Variants in NKAIN3 observed in about 807,000 individuals in gnomAD.
The protein encoded by NKAIN3 is sodium/potassium transporting ATPase interacting 3.
NKAIN3 carries 25 observed loss-of-function variants against 30.2 expected under a neutral mutation model. The observed-to-expected ratio is 0.83, with a 90% CI of 0.60 to 1.16. The LOEUF is 1.16. NKAIN3 is among the 50% of genes most tolerant of loss of function. NKAIN3 has a pLI of 0.00. For missense variants in NKAIN3, 225 were observed against 254.1 expected (o/e 0.89, Z 0.78); for synonymous variants, 91 against 89.6 (o/e 1.02, Z -0.09).
intron 1 of NKAIN3, among the ~76,000 whole-genome samples, chr8:62,306,776 A>G (rs903028308): frequency 1.3e-5 from 2 of 149,878 alleles, no homozygotes; most frequent in Non-Finnish European, 1.5e-5. Context: ...CTGAGCAGAT[A>G]TGTACCTCAA....
intron 3 of NKAIN3, among the ~76,000 whole-genome samples, chr8:62,607,156 C>T (rs1811154503): frequency 6.6e-6 from 1 of 152,130 alleles, no homozygotes. Context: ...TTGAAAACCA[C>T]AGGCAACAAT....
chr8:62,275,668 A>G (rs1812926941), intron 1 of NKAIN3, among the ~76,000 whole-genome samples: 1 of 152,228 alleles, frequency 6.6e-6, no homozygotes, highest in South Asian at 2.1e-4. Flanking sequence ...TATGAAATTT[A>G]CATTTAAAAG....
At chr8:62,745,005 T>C (rs1276843095) in intron 3 of NKAIN3, among the ~76,000 whole-genome samples, 1 of 152,206 alleles carries the variant, frequency 6.6e-6, no homozygotes, top group Non-Finnish European at 1.5e-5. Context: ...CCCTGCCTAC[T>C]TATATGCACT....
chr8:62,535,882 A>G (rs964119167), intron 1 of NKAIN3, among the ~76,000 whole-genome samples: 5 of 152,140 alleles, frequency 3.3e-5, no homozygotes, highest in African/African-American at 1.2e-4. Flanking sequence ...TTAGAGTCCT[A>G]CTTTGGGCAG....
In NKAIN3 at chr8:62,421,599, T is replaced by C. The variant is rs564821934; in HGVS notation, c.55-157940T>C. ...CTGCGGGAGGAGGATTTGGCTGCAATTGGAGTCTCTCTCTCTCTCTTTCTC... is the reference window on the plus strand; with the variant it reads ...CTGCGGGAGGAGGATTTGGCTGCAACTGGAGTCTCTCTCTCTCTCTTTCTC... On this transcript the variant is annotated intron_variant, in intron 1 of 6. Transcript: ENST00000623646. 3.3e-5 allele frequency among the ~76,000 whole-genome samples: 5 copies of C among 152,010 alleles called. No individual in the cohort carries two copies. The South Asian group carries it at 8.3e-4, about 25-fold the overall frequency.
intron 5 of NKAIN3, among the ~76,000 whole-genome samples, chr8:62,951,984 G>A (rs1823295261): frequency 1.3e-5 from 2 of 151,616 alleles, no homozygotes; most frequent in South Asian, 2.1e-4. Context: ...ATTTTTAATA[G>A]GGACAGGGTT....
intron 3 of NKAIN3, among the ~76,000 whole-genome samples, chr8:62,600,060 A>G (rs1472925882): frequency 6.6e-6 from 1 of 152,074 alleles, no homozygotes; most frequent in African/African-American, 2.4e-5. Context: ...AATTAGTCCA[A>G]TCTGTCTTAA....
intron 3 of NKAIN3, among the ~76,000 whole-genome samples, chr8:62,625,174 A>T (rs571571038): frequency 6.8e-4 from 104 of 152,252 alleles, no homozygotes; most frequent in Admixed American, 4.6e-4. Flanking sequence ...TAAAAGATAG[A>T]CATTATATAC....
chr8:62,531,439 C>A (rs2129841115), intron 1 of NKAIN3, among the ~76,000 whole-genome samples: 1 of 152,292 alleles, frequency 6.6e-6, no homozygotes, highest in Non-Finnish European at 1.5e-5. Context: ...TTATTCTTAG[C>A]TTAAAACTTC....
intron 5 of NKAIN3, among the ~76,000 whole-genome samples, chr8:62,946,959 A>G (rs766668844): frequency 9.8e-5 from 15 of 152,326 alleles, no homozygotes; most frequent in Non-Finnish European, 2.1e-4. Flanking sequence ...TTTGCTGAAT[A>G]TAGTTAAACC....
At chr8:62,471,476 AAG>A (rs1470905531) in intron 1 of NKAIN3, among the ~76,000 whole-genome samples, 1 of 152,220 alleles carries the variant, frequency 6.6e-6, no homozygotes, top group African/African-American at 2.4e-5. Flanking sequence ...TATTTAAAAA[AAG>A]AAAAATCTTG....
intron 1 of NKAIN3, among the ~76,000 whole-genome samples, chr8:62,453,267 T>A (rs901659978): frequency 6.6e-6 from 1 of 152,180 alleles, no homozygotes; most frequent in African/African-American, 2.4e-5. Flanking sequence ...AGAATCAACC[T>A]GTTTCTGAGT....
chr8:62,715,184 C>T (rs139533140), intron 3 of NKAIN3, among the ~76,000 whole-genome samples: 3 of 152,270 alleles, frequency 2.0e-5, no homozygotes, highest in African/African-American at 7.2e-5. Context: ...AGTCCACCCC[C>T]ATGATCCAGT....
chr8:62,938,634 G>A (rs536170520), intron 5 of NKAIN3, among the ~76,000 whole-genome samples: 92 of 152,256 alleles, frequency 6.0e-4, no homozygotes, highest in African/African-American at 2.1e-3. Flanking sequence ...TGGATGGCTA[G>A]ACCCAAAGAG....
Position 62,589,719 on chromosome 8 carries a change from A to C in NKAIN3, c.198A>C (p.Thr66=). ...QYRPRYIMVY[T]VWTALWVTWN... ...CCTCCCCCATTTCTATCTAGTATAC[A>C]GTGTGGACTGCCCTCTGGGTCACCT... is the stretch of plus-strand genomic sequence containing the variant. Residue 66 remains threonine, a synonymous_variant, in exon 3 of 7, where the codon ACA becomes ACC. Coordinates refer to ENST00000623646, the MANE Select transcript of NKAIN3 (RefSeq NM_001304533.3). 3.2e-6 allele frequency: 5 copies of C among 1,565,076 alleles called. No homozygotes were observed. The highest frequency in any genetic ancestry group is 4.4e-6 in the Non-Finnish European group (5 of 1,138,930).
chr8:62,829,147 C>G (rs1819117254), intron 4 of NKAIN3, among the ~76,000 whole-genome samples: 1 of 152,114 alleles, frequency 6.6e-6, no homozygotes, highest in African/African-American at 2.4e-5. Context: ...AACCATTCTT[C>G]AAGAAAAAGT....
intron 3 of NKAIN3, among the ~76,000 whole-genome samples, chr8:62,590,099 G>A (rs1421056653): frequency 4.6e-5 from 7 of 151,608 alleles, no homozygotes; most frequent in Non-Finnish European, 4.4e-5. Flanking sequence ...TAATACCATA[G>A]TGACTGCAGG....
chr8:62,362,540 A>G (rs1200443691), intron 1 of NKAIN3, among the ~76,000 whole-genome samples: 1 of 152,212 alleles, frequency 6.6e-6, no homozygotes, highest in Non-Finnish European at 1.5e-5. Flanking sequence ...TAAGAGAAGC[A>G]GGCAAGAGAA....
chr8:62,476,431 A>AT (rs1211288750), intron 1 of NKAIN3, among the ~76,000 whole-genome samples: 2 of 150,018 alleles, frequency 1.3e-5, no homozygotes, highest in Admixed American at 1.3e-4. Context: ...TTCTATGGTG[A>AT]TTTTTTGTAG....
Sources: allele counts gnomAD v4.1 joint callset (sites outside exome capture counted in the v4.1 genomes callset), GRCh38; gene constraint gnomAD v4.1.1; transcripts MANE v1.5; gene names NCBI Gene and HGNC (gene_info 2026-07-23, HGNC 2026-07-21).